DAB1: variants seen among roughly 807,000 people sequenced by gnomAD.
The protein encoded by DAB1 is DAB adaptor protein 1, also known as disabled homolog 1.
Under a neutral mutation model 64.6 loss-of-function variants are expected in DAB1, and 15 were observed. The ratio of observed to expected loss-of-function variants is 0.23; its 90% CI spans 0.16 to 0.36. DAB1 has a LOEUF of 0.36. DAB1 is among the 10% of genes least tolerant of loss of function. The pLI is 1.00. For synonymous variants in DAB1, 235 were observed against 251.9 expected (o/e 0.93, Z 0.64); for missense variants, 596 against 706.7 (o/e 0.84, Z 1.78).
intron 9 of DAB1, among the ~76,000 whole-genome samples, chr1:57,050,064 C>T (rs1012246918): frequency 6.6e-6 from 1 of 152,124 alleles, no homozygotes; most frequent in Non-Finnish European, 1.5e-5. Flanking sequence ...TCCTTCTATC[C>T]CTAAGGACAG....
intron 5 of DAB1, among the ~76,000 whole-genome samples, chr1:57,914,491 C>T (rs1031511209): frequency 6.6e-6 from 1 of 151,936 alleles, no homozygotes; most frequent in African/African-American, 2.4e-5. Flanking sequence ...TTAATGGGTG[C>T]AGCACACCAA....
intron 1 of DAB1, among the ~76,000 whole-genome samples, chr1:57,871,426 G>A (rs1643947252): frequency 6.6e-6 from 1 of 152,138 alleles, no homozygotes; most frequent in Non-Finnish European, 1.5e-5. Context: ...GAAGCCCAGA[G>A]AAATTATCTT....
intron 9 of DAB1, among the ~76,000 whole-genome samples, chr1:57,055,556 C>T (rs746947354): frequency 2.6e-5 from 4 of 152,202 alleles, no homozygotes; most frequent in African/African-American, 9.6e-5. Flanking sequence ...CAAAACAAAA[C>T]TGTGCACCCA....
rs143885937 is a variant in DAB1, at chr1:57,678,761, G to GTTTTTTT, written n.552-29097_552-29096insAAAAAAA. On this transcript the variant is annotated intron_variant and non_coding_transcript_variant, in intron 6 of 20. Coordinates refer to the DAB1 transcript ENST00000485760. ...CTGGCATTCGTCCAGTGAGGCAACT[G>GTTTTTTT]TTTTTTGTTTTTTTTTTCTTTGTTT... 3.1e-4 allele frequency among the ~76,000 whole-genome samples: 42 copies of GTTTTTTT among 135,778 alleles called. 1 individual carries two copies. Among genetic ancestry groups the GTTTTTTT allele is most frequent in the South Asian group, 7.2e-4 (3 of 4,140 alleles). The allele number at this position is 135,778 out of a possible 152,430, so 89.1% of individuals were successfully genotyped here.
intron 7 of DAB1, among the ~76,000 whole-genome samples, chr1:57,625,667 T>A (rs1433564094): frequency 6.6e-6 from 1 of 151,950 alleles, no homozygotes; most frequent in African/African-American, 2.4e-5. Context: ...CACAAAGACA[T>A]AGGCAATTAT....
chr1:58,165,996 A>G (rs1458271844), intron 4 of DAB1, among the ~76,000 whole-genome samples: 3 of 152,328 alleles, frequency 2.0e-5, no homozygotes, highest in Admixed American at 1.3e-4. Context: ...TTAAGGACAC[A>G]TGGTTAGTAA....
chr1:57,571,137 T>C (rs1645189470), intron 7 of DAB1, among the ~76,000 whole-genome samples: 1 of 152,186 alleles, frequency 6.6e-6, no homozygotes, highest in Non-Finnish European at 1.5e-5. Flanking sequence ...TATATCATCA[T>C]GTCATCAGAA....
At chr1:57,468,655 G>C (rs1267382958) in intron 7 of DAB1, among the ~76,000 whole-genome samples, 1 of 152,042 alleles carries the variant, frequency 6.6e-6, no homozygotes, top group Non-Finnish European at 1.5e-5. Flanking sequence ...GTATATTTGG[G>C]GGTTGTAAGA....
intron 2 of DAB1, among the ~76,000 whole-genome samples, chr1:57,167,182 T>C (rs574398806): frequency 6.6e-5 from 10 of 152,212 alleles, no homozygotes; most frequent in Non-Finnish European, 1.5e-4. Context: ...AGCAACTTGA[T>C]AGTCTACAAA....
intron 5 of DAB1, among the ~76,000 whole-genome samples, chr1:58,129,598 G>A (rs1419250715): frequency 7.1e-6 from 1 of 141,030 alleles, no homozygotes; most frequent in Non-Finnish European, 1.5e-5. Flanking sequence ...GGCATTTAGT[G>A]CTATAAATTT....
intron 7 of DAB1, among the ~76,000 whole-genome samples, chr1:57,609,602 T>C (rs952528317): frequency 6.6e-6 from 1 of 152,188 alleles, no homozygotes; most frequent in Non-Finnish European, 1.5e-5. Flanking sequence ...ATTGGCCACA[T>C]AAATGGATCC....
intron 4 of DAB1, among the ~76,000 whole-genome samples, chr1:58,193,376 A>G (rs138929356): frequency 1.5e-3 from 231 of 152,334 alleles, no homozygotes; most frequent in African/African-American, 5.3e-3. Context: ...TACAGCCCAC[A>G]GCACCCTGAG....
chr1:57,994,349 AACAAAG>A (rs1646393949), intron 5 of DAB1, among the ~76,000 whole-genome samples: 2 of 152,228 alleles, frequency 1.3e-5, no homozygotes, highest in African/African-American at 4.8e-5. Context: ...GGAGGAGGAC[AACAAAG>A]GAAGAGCATG....
intron 4 of DAB1, among the ~76,000 whole-genome samples, chr1:58,290,168 G>A (rs576203080): frequency 5.8e-4 from 89 of 152,304 alleles, no homozygotes; most frequent in African/African-American, 2.1e-3. Context: ...TCATGATCAT[G>A]TACTGGGTGT....
intron 5 of DAB1, among the ~76,000 whole-genome samples, chr1:57,921,207 A>G (rs1644803262): frequency 6.6e-6 from 1 of 152,228 alleles, no homozygotes; most frequent in Non-Finnish European, 1.5e-5. Flanking sequence ...TAGAGGGCAT[A>G]CACTCTGGAG....
chr1:57,864,164 A>G (rs1343747831), intron 1 of DAB1, among the ~76,000 whole-genome samples: 1 of 152,210 alleles, frequency 6.6e-6, no homozygotes, highest in Non-Finnish European at 1.5e-5. Flanking sequence ...TTTGAGTAGG[A>G]ACCTGAGTGA....
intron 6 of DAB1, among the ~76,000 whole-genome samples, chr1:57,820,563 C>T (rs1358051391): frequency 1.3e-5 from 2 of 152,168 alleles, no homozygotes; most frequent in East Asian, 3.9e-4. Context: ...TATATTTTCA[C>T]CTTCTGGTTT....
chr1:58,107,942 A>G (rs1246763032), intron 5 of DAB1, among the ~76,000 whole-genome samples: 1 of 152,044 alleles, frequency 6.6e-6, no homozygotes, highest in East Asian at 1.9e-4. Flanking sequence ...AAACACAGGG[A>G]AAAAAATGGG....
intron 2 of DAB1, among the ~76,000 whole-genome samples, chr1:57,227,347 A>T (rs1260875150): frequency 6.6e-6 from 1 of 152,212 alleles, no homozygotes. Flanking sequence ...CCAGCAATGA[A>T]GACTAAAGAC....
Sources: gnomAD v4.1 joint callset for allele counts (sites outside exome capture counted in the v4.1 genomes callset) on GRCh38, gnomAD v4.1.1 for gene constraint, MANE v1.5 for transcripts, NCBI Gene and HGNC (gene_info 2026-07-23, HGNC 2026-07-21) for gene names.